CCDC6: variants seen among roughly 807,000 people sequenced by gnomAD.
CCDC6 encodes coiled-coil domain containing 6.
CCDC6 carries 20 observed loss-of-function variants against 56.6 expected under a neutral mutation model. The observed-to-expected ratio is 0.35, with a 90% CI of 0.25 to 0.51. CCDC6 has a LOEUF of 0.51. Among genes scored for constraint, CCDC6 ranks in the 20% least tolerant of loss-of-function variants. The probability of loss-of-function intolerance (pLI) is 0.95; values close to 1 mark genes in which losing one functional copy is unlikely to be tolerated. For missense variants in CCDC6, 367 were observed against 601.1 expected, an observed-to-expected ratio of 0.61 and a Z score of 4.07; for synonymous variants, 241 against 234.4, an observed-to-expected ratio of 1.03 and a Z score of -0.26.
intron 5 of CCDC6, among the ~76,000 whole-genome samples, chr10:59,810,607 A>G (rs1244257997): frequency 1.3e-5 from 2 of 152,184 alleles, no homozygotes; most frequent in Admixed American, 1.3e-4. Flanking sequence ...TTTGAGAACT[A>G]TTTGATATAT....
At chr10:59,876,352 C>A (rs1371959000) in intron 1 of CCDC6, among the ~76,000 whole-genome samples, 2 of 151,938 alleles carry the variant, frequency 1.3e-5, no homozygotes, top group Admixed American at 6.6e-5. Context: ...CCCAGCCTCA[C>A]ATATCATTTT....
At chr10:59,851,707 T>C (rs1423667365) in intron 2 of CCDC6, among the ~76,000 whole-genome samples, 1 of 152,206 alleles carries the variant, frequency 6.6e-6, no homozygotes, top group Non-Finnish European at 1.5e-5. Context: ...ATTAATGAAA[T>C]TGTTATTGAT....
At chr10:59,796,764 G>A (rs1046342779) in intron 7 of CCDC6, among the ~76,000 whole-genome samples, 6 of 152,062 alleles carry the variant, frequency 3.9e-5, no homozygotes, top group Non-Finnish European at 7.4e-5. Flanking sequence ...TCAGGAGATC[G>A]AGACCATCTT....
At chr10:59,861,377 C>T (rs1369812363) in intron 1 of CCDC6, among the ~76,000 whole-genome samples, 2 of 146,096 alleles carry the variant, frequency 1.4e-5, no homozygotes, top group Non-Finnish European at 3.0e-5. Context: ...AAATAATTTA[C>T]CTTGGTCTCT....
chr10:59,890,814 G>A (rs1161194145), intron 1 of CCDC6, among the ~76,000 whole-genome samples: 3 of 152,018 alleles, frequency 2.0e-5, no homozygotes, highest in Non-Finnish European at 2.9e-5. Flanking sequence ...CATGTGCCAT[G>A]TTGGTGTGCT....
chr10:59,905,837 G>A (rs1407952075), intron 1 of CCDC6, among the ~76,000 whole-genome samples: 1 of 152,156 alleles, frequency 6.6e-6, no homozygotes, highest in Non-Finnish European at 1.5e-5. Context: ...GCCCAGCCCC[G>A]GAGGGGCCTC....
At chr10:59,895,083 C>G (rs915211785) in intron 1 of CCDC6, among the ~76,000 whole-genome samples, 2 of 152,164 alleles carry the variant, frequency 1.3e-5, no homozygotes, top group African/African-American at 4.8e-5. Flanking sequence ...GAAAGGACGG[C>G]TTGAGCCCAG....
At chr10:59,803,537 T>A (rs2070594117) in intron 7 of CCDC6, among the ~76,000 whole-genome samples, 1 of 152,184 alleles carries the variant, frequency 6.6e-6, no homozygotes, top group South Asian at 2.1e-4. Flanking sequence ...ATCAGTCTCA[T>A]CATTTTGGTC....
intron 2 of CCDC6, among the ~76,000 whole-genome samples, chr10:59,843,249 G>A (rs2070958413): frequency 6.6e-6 from 1 of 152,224 alleles, no homozygotes; most frequent in Non-Finnish European, 1.5e-5. Context: ...TTTGGACCTG[G>A]AATTCATTGT....
At chr10:59,844,124 T>G (rs1301729501) in intron 2 of CCDC6, among the ~76,000 whole-genome samples, 2 of 152,190 alleles carry the variant, frequency 1.3e-5, no homozygotes, top group African/African-American at 4.8e-5. Context: ...TTCAGTGAGG[T>G]ATGTCTGAGT....
At chr10:59,795,181 A>G (rs557971640) in intron 7 of CCDC6, among the ~76,000 whole-genome samples, 26 of 152,306 alleles carry the variant, frequency 1.7e-4, no homozygotes, top group Non-Finnish European at 3.2e-4. Context: ...GGCAACCTAT[A>G]GAATGGGAGG....
intron 1 of CCDC6, among the ~76,000 whole-genome samples, chr10:59,855,777 T>C (rs1004479139): frequency 2.0e-5 from 3 of 152,160 alleles, no homozygotes; most frequent in African/African-American, 7.2e-5. Context: ...AATTATATCT[T>C]GATTTTTAAA....
At chr10:59,854,826 T>C (rs1265887858) in intron 1 of CCDC6, among the ~76,000 whole-genome samples, 19 of 152,232 alleles carry the variant, frequency 1.2e-4, no homozygotes, top group Admixed American at 1.2e-3. Context: ...TTTTTCTGGT[T>C]TTGACCGACA....
chr10:59,821,172 T>G (rs1253699329), intron 3 of CCDC6, among the ~76,000 whole-genome samples: 1 of 152,188 alleles, frequency 6.6e-6, no homozygotes, highest in Non-Finnish European at 1.5e-5. Flanking sequence ...TCTCATTCCA[T>G]CCTATTTTCC....
At chr10:59,905,598 G>A (rs1034878025) in intron 1 of CCDC6, among the ~76,000 whole-genome samples, 1 of 152,140 alleles carries the variant, frequency 6.6e-6, no homozygotes, top group African/African-American at 2.4e-5. Context: ...CGGATTCCCG[G>A]CCACTCTCTC....
intron 1 of CCDC6, among the ~76,000 whole-genome samples, chr10:59,901,233 T>C (rs773311715): frequency 3.4e-4 from 52 of 152,198 alleles, no homozygotes; most frequent in Non-Finnish European, 6.8e-4. Context: ...CTCAAAGTTG[T>C]GTCTAAAGTT....
chr10:59,845,426 C>T (rs1184696719), intron 2 of CCDC6, among the ~76,000 whole-genome samples: 1 of 145,272 alleles, frequency 6.9e-6, no homozygotes. Context: ...TGTGCACACA[C>T]ACTTTAAAAG....
chr10:59,792,791 G>T lies in CCDC6; in HGVS notation c.*126C>A. 1.0e-6 allele frequency: 1 copy of T among 970,062 alleles called. No individual in the cohort carries two copies. Among genetic ancestry groups the T allele is most frequent in the Non-Finnish European group, 1.7e-6 (1 of 599,364 alleles). The allele number at this position is 970,062 out of a possible 1,614,324, so 60.1% of individuals were successfully genotyped here. On this transcript the variant is annotated 3_prime_UTR_variant, in exon 9 of 9. Coordinates refer to ENST00000263102, the MANE Select transcript of CCDC6 (RefSeq NM_005436.5). ...ACAAACATTTACAACACAATGGATAGTGAAGCCTAGATAACCTCAGTGCAA... is the reference window on the plus strand; with the variant it reads ...ACAAACATTTACAACACAATGGATATTGAAGCCTAGATAACCTCAGTGCAA...
At chr10:59,862,566 CACATACACACACACACACAT>C (rs2071142773) in intron 1 of CCDC6, among the ~76,000 whole-genome samples, 2 of 127,664 alleles carry the variant, frequency 1.6e-5, no homozygotes, top group African/African-American at 8.0e-5. Flanking sequence ...CATATATATA[CACATACACACACACACACAT>C]ATATAAAACC....
Sources: gnomAD v4.1 joint callset for allele counts (sites outside exome capture counted in the v4.1 genomes callset) on GRCh38, gnomAD v4.1.1 for gene constraint, MANE v1.5 for transcripts, NCBI Gene and HGNC (gene_info 2026-07-23, HGNC 2026-07-21) for gene names.